Variants in AASDH observed in about 807,000 individuals in gnomAD.
AASDH encodes the protein aminoadipate-semialdehyde dehydrogenase.
AASDH carries 81 observed loss-of-function variants against 102.3 expected under a neutral mutation model. The observed-to-expected ratio is 0.79, with a 90% confidence interval of 0.66 to 0.95. The LOEUF is 0.95. AASDH is among the 40% of genes least tolerant of loss of function. The pLI, the probability that AASDH is intolerant of heterozygous loss-of-function variation, is 0.00. For synonymous variants in AASDH, 398 were observed against 454.0 expected (o/e 0.88, Z 1.57); for missense variants, 1,203 against 1,266.2 (o/e 0.95, Z 0.76).
intron 4 of AASDH, among the ~76,000 whole-genome samples, chr4:56,374,370 A>G (rs1162051855): frequency 1.0e-5 from 1 of 99,414 alleles, no homozygotes. Context: ...TCTGTCTCAG[A>G]AAAAAAAAAA....
intron 8 of AASDH, among the ~76,000 whole-genome samples, 183 bp downstream of exon 8, chr4:56,353,856 A>G (rs183301752): frequency 6.6e-6 from 1 of 152,332 alleles, no homozygotes; most frequent in East Asian, 1.9e-4. Context: ...TTATTTAAAG[A>G]ATAACCATCT....
intron 5 of AASDH, among the ~76,000 whole-genome samples, chr4:56,361,993 G>A (rs953485536): frequency 5.3e-5 from 8 of 152,156 alleles, no homozygotes; most frequent in African/African-American, 1.9e-4. Context: ...GTTTTAAAGG[G>A]CATCAAGTTT....
chr4:56,376,878 T>G (rs1232526459), intron 4 of AASDH, among the ~76,000 whole-genome samples: 4 of 151,472 alleles, frequency 2.6e-5, no homozygotes, highest in Non-Finnish European at 4.4e-5. Flanking sequence ...CCATCCCGGC[T>G]AAAACAGTGA....
chr4:56,344,523 TAATA>T lies in AASDH; in HGVS notation c.2652+600_2652+603del, dbSNP rs1225412106. 4.6e-5 allele frequency among the ~76,000 whole-genome samples: 7 copies of T among 152,286 alleles called. No individual in the cohort carries two copies. The East Asian group carries it at 5.8e-4, about 13-fold the overall frequency. On this transcript the variant is annotated intron_variant, in intron 12 of 14. Coordinates refer to ENST00000205214, the MANE Select transcript of AASDH (RefSeq NM_181806.4). The stretch of plus-strand genomic sequence containing the variant: ...ATTTGTATTTGATCTTTATTTTCAT[TAATA>T]CTTATAAATATAAATGAATTTCCAC...
chr4:56,355,463 C>T (rs1407932860), intron 5 of AASDH, 40 bp from the exon 6 acceptor site: 1 of 1,566,892 alleles, frequency 6.4e-7, no homozygotes, highest in African/African-American at 1.4e-5. Flanking sequence ...TTTTCCTTCA[C>T]TTCTTTAAAA....
chr4:56,370,578 G>A (rs959601716), intron 5 of AASDH, among the ~76,000 whole-genome samples: 2 of 152,040 alleles, frequency 1.3e-5, no homozygotes, highest in South Asian at 2.1e-4. Flanking sequence ...TGAAAAGACC[G>A]CAGTCTAATG....
At chr4:56,357,365 A>G (rs1749757638) in intron 5 of AASDH, among the ~76,000 whole-genome samples, 1 of 152,136 alleles carries the variant, frequency 6.6e-6, no homozygotes. Context: ...TAAGAGCACT[A>G]ATCTCATTCA....
Position 56,383,480 on chromosome 4 carries a change from T to C in AASDH, c.230+590A>G, listed in dbSNP as rs1295253623. The stretch of plus-strand genomic sequence containing the variant: ...TATAATTAATTTACTAAGACACATA[T>C]TATAGAATGAATAAACTATTTCTTT... On this transcript the variant is annotated intron_variant, in intron 2 of 14. Transcript: ENST00000205214. Among the ~76,000 whole-genome samples, 4 of 152,304 alleles carry C rather than the reference T, an allele frequency of 2.6e-5. No individual in the cohort carries two copies. In the East Asian group the frequency reaches 7.7e-4, roughly 29 times the overall value.
chr4:56,382,615 C>T lies in AASDH; in HGVS notation c.231-18G>A. 1 of 1,601,802 alleles carries T rather than the reference C, an allele frequency of 6.2e-7. No individual in the cohort carries two copies. The highest frequency in any genetic ancestry group is 8.5e-7 in the Non-Finnish European group (1 of 1,176,738). On this transcript the variant is annotated intron_variant, in intron 2 of 14. Coordinates refer to ENST00000205214, the MANE Select transcript of AASDH (RefSeq NM_181806.4). The stretch of plus-strand genomic sequence containing the variant: ...GGAGAATTCTAAAGAAAAAAGTACA[C>T]AGTCAGCATAGAATGTCTGTTGATT...
chr4:56,361,926 G>A (rs1750349748), intron 5 of AASDH, among the ~76,000 whole-genome samples: 2 of 152,104 alleles, frequency 1.3e-5, no homozygotes, highest in Admixed American at 1.3e-4. Flanking sequence ...GAGCTGTGAG[G>A]GCGCCACTGT....
chr4:56,342,440 A>C (rs1024981693), intron 14 of AASDH, among the ~76,000 whole-genome samples: 1 of 152,158 alleles, frequency 6.6e-6, no homozygotes, highest in African/African-American at 2.4e-5. Context: ...TGTATCAATT[A>C]AAAGAATCCA....
At chr4:56,379,119 C>T (rs1204971533) in intron 3 of AASDH, among the ~76,000 whole-genome samples, 1 of 151,970 alleles carries the variant, frequency 6.6e-6, no homozygotes, top group Non-Finnish European at 1.5e-5. Flanking sequence ...GATCTCTTGA[C>T]CTCATGATCC....
intron 14 of AASDH, among the ~76,000 whole-genome samples, chr4:56,342,327 T>C (rs1747799612): frequency 6.6e-6 from 1 of 152,112 alleles, no homozygotes; most frequent in Admixed American, 6.6e-5. Context: ...AAATAATAAG[T>C]ACTCAAGGTG....
At chr4:56,351,574 G>C (rs1463494298) in intron 9 of AASDH, 117 bp from the exon 10 acceptor site, 1 of 600,922 alleles carries the variant, frequency 1.7e-6, no homozygotes, top group African/African-American at 1.9e-5. Flanking sequence ...ATCATATAAA[G>C]AGTTTGTTGT....
chr4:56,376,019 CTTT>C, intron 4 of AASDH, among the ~76,000 whole-genome samples: 1 of 106,738 alleles, frequency 9.4e-6, no homozygotes, highest in East Asian at 2.8e-4. Flanking sequence ...AACCGCTCAT[CTTT>C]TTTTTTTTTT....
chr4:56,355,593 G>GTTTTTTTTTTT (rs149149581), intron 5 of AASDH, among the ~76,000 whole-genome samples, 170 bp from the exon 6 acceptor site: 5 of 91,880 alleles, frequency 5.4e-5, no homozygotes, highest in East Asian at 3.7e-4. Flanking sequence ...TTATCTTCTT[G>GTTTTTTTTTTT]TTTTTTTTTT....
chr4:56,384,385 AG>A (rs1415982539), intron 1 of AASDH, 44 bp from the exon 2 acceptor site: 1 of 1,118,314 alleles, frequency 8.9e-7, no homozygotes, highest in African/African-American at 1.6e-5. Context: ...AGTTTTAGAG[AG>A]CTCGGTGGAG....
chr4:56,358,304 T>TTGA (rs1749858360), intron 5 of AASDH, among the ~76,000 whole-genome samples: 1 of 151,520 alleles, frequency 6.6e-6, no homozygotes, highest in South Asian at 2.1e-4. Flanking sequence ...ATATAAAGAG[T>TTGA]TGTACTTCCT....
intron 3 of AASDH, among the ~76,000 whole-genome samples, chr4:56,380,933 C>T (rs1752881603): frequency 6.6e-6 from 1 of 152,162 alleles, no homozygotes; most frequent in East Asian, 1.9e-4. Context: ...GCTGGGCATA[C>T]ATACAGTAGA....
Sources: gnomAD v4.1 joint callset for allele counts (sites outside exome capture counted in the v4.1 genomes callset) on GRCh38, gnomAD v4.1.1 for gene constraint, MANE v1.5 for transcripts, NCBI Gene and HGNC (gene_info 2026-07-23, HGNC 2026-07-21) for gene names.